Variants in NPHP4 observed in about 807,000 individuals in gnomAD.
NPHP4 encodes nephrocystin-4.
In NPHP4, 151 loss-of-function variants were observed where a neutral mutation model predicts 155.8. That is an observed-to-expected ratio of 0.97 (90% CI 0.85 to 1.11). The LOEUF (loss-of-function observed/expected upper bound fraction) is 1.11, where lower values mean the gene tolerates loss of function less well. Ranked by LOEUF, NPHP4 falls within the 50% of genes least tolerant of loss-of-function variation. The pLI, the probability that NPHP4 is intolerant of heterozygous loss-of-function variation, is 0.00. For synonymous variants in NPHP4, 845 were observed against 816.8 expected (o/e 1.03, Z -0.59); for missense variants, 1,956 against 1,925.7 (o/e 1.02, Z -0.29).
intron 1 of NPHP4, among the ~76,000 whole-genome samples, chr1:5,988,376 C>G (rs571373594): frequency 6.6e-6 from 1 of 152,368 alleles, no homozygotes; most frequent in African/African-American, 2.4e-5. Context: ...GAGCCTTCAG[C>G]TGTCCTCTCT....
chr1:5,956,131 C>T (rs993322195), intron 6 of NPHP4, among the ~76,000 whole-genome samples: 11 of 151,640 alleles, frequency 7.3e-5, no homozygotes, highest in Non-Finnish European at 1.3e-4. Flanking sequence ...CCCAGACCGA[C>T]TTCCTTTAGG....
chr1:5,939,576 T>C (rs1265439384), intron 9 of NPHP4, among the ~76,000 whole-genome samples: 3 of 152,048 alleles, frequency 2.0e-5, no homozygotes, highest in Non-Finnish European at 2.9e-5. Context: ...TCCACTTCCC[T>C]CCCTGCCCTC....
chr1:5,912,476 T>C (rs1044720834), intron 11 of NPHP4, among the ~76,000 whole-genome samples: 4 of 150,546 alleles, frequency 2.7e-5, no homozygotes, highest in Admixed American at 2.6e-4. Context: ...AGGCGGAGCT[T>C]TCGGTGAGCC....
intron 1 of NPHP4, among the ~76,000 whole-genome samples, chr1:5,991,783 G>A (rs568952710): frequency 8.8e-4 from 134 of 152,218 alleles, no homozygotes; most frequent in African/African-American, 2.9e-3. Flanking sequence ...CGGGGGGCGG[G>A]GAGGAGGGGC....
At chr1:5,956,061 G>T (rs769249407) in intron 6 of NPHP4, among the ~76,000 whole-genome samples, 1,673 of 50,512 alleles carry the variant, frequency 0.033, 41 homozygotes, top group Non-Finnish European at 0.057. Flanking sequence ...CAAAAAGCTG[G>T]GGGGGGGGGG....
intron 11 of NPHP4, among the ~76,000 whole-genome samples, chr1:5,923,780 A>G (rs983521495): frequency 2.0e-5 from 3 of 152,252 alleles, no homozygotes; most frequent in Non-Finnish European, 2.9e-5. Flanking sequence ...TCAAAGCTTA[A>G]GAATATTTAT....
At position 5,882,354 on chromosome 1, in the gene NPHP4, C is replaced by T. The variant is rs572066710; in HGVS notation, c.2486-2115G>A. The T allele has an allele frequency of 3.9e-5, 6 of 152,090 alleles. No homozygotes were observed. The highest frequency in any genetic ancestry group is 3.3e-4 in the Admixed American group (5 of 15,262). 9.4% of individuals were successfully genotyped at this position (152,090 alleles called of 1,614,324 possible). ...CTTACCCAGCCATCTCTCAGTGACG[C>T]GCTTACCCAGCCATCTCTCAGTGGT... On this transcript the variant is annotated intron_variant, in intron 18 of 29. Transcript: ENST00000378156. The surrounding 1 kb of genome is among the most constrained non-coding windows in gnomAD (Gnocchi z 5.1).
chr1:5,961,904 G>C lies in NPHP4; in HGVS notation c.563C>G (p.Thr188Arg). ...CTCCAGGGCCGGGTGTGGCTTCAGCGTGTACTGCAGGCTGCAGTTCTCAAT... is the reference window on the plus strand; with the variant it reads ...CTCCAGGGCCGGGTGTGGCTTCAGCCTGTACTGCAGGCTGCAGTTCTCAAT... ...TLIENCSLQY[T>R]LKPHPALEPA... Residue 188 changes from threonine (T) to arginine (R), a missense_variant, in exon 6 of 30, where the codon ACG becomes AGG. Transcript: ENST00000378156. The C allele has an allele frequency of 6.2e-7, 1 of 1,612,812 alleles. No homozygotes were observed. Among genetic ancestry groups the C allele is most frequent in the Non-Finnish European group, 8.5e-7 (1 of 1,178,882 alleles).
intron 11 of NPHP4, among the ~76,000 whole-genome samples, chr1:5,914,141 T>C (rs1645332621): frequency 6.6e-6 from 1 of 151,482 alleles, no homozygotes; most frequent in African/African-American, 2.4e-5. Context: ...GACTACCAGC[T>C]GGACATGGTA....
intron 16 of NPHP4, among the ~76,000 whole-genome samples, chr1:5,902,780 T>C (rs1264660362): frequency 2.0e-5 from 3 of 152,254 alleles, no homozygotes; most frequent in Non-Finnish European, 4.4e-5. Flanking sequence ...TATGCAATAT[T>C]ATTTTGTCAT....
At position 5,873,338 on chromosome 1, in the gene NPHP4, G is replaced by A. The variant is rs897916587; in HGVS notation, c.3232-3C>T. 3.1e-6 allele frequency: 5 copies of A among 1,613,332 alleles called. No homozygotes were observed. Among genetic ancestry groups the A allele is most frequent in the African/African-American group, 2.7e-5 (2 of 75,028 alleles). On this transcript the variant is annotated splice_polypyrimidine_tract_variant and splice_region_variant and intron_variant, in intron 22 of 29. Coordinates refer to ENST00000378156, the MANE Select transcript of NPHP4 (RefSeq NM_015102.5). ...TCGTTGCTCAACCCAGGAGAGGCCT[G>A]CAGGAACCGAACAGCACAAGCAGGT... is the stretch of plus-strand genomic sequence containing the variant.
At chr1:5,987,816 C>T (rs1286459689) in intron 1 of NPHP4, among the ~76,000 whole-genome samples, 1 of 152,164 alleles carries the variant, frequency 6.6e-6, no homozygotes, top group Non-Finnish European at 1.5e-5. Context: ...GAGAGACAAA[C>T]ATGGGTACTT....
chr1:5,949,079 G>C (rs1647377478), intron 7 of NPHP4, among the ~76,000 whole-genome samples: 1 of 151,932 alleles, frequency 6.6e-6, no homozygotes, highest in South Asian at 2.1e-4. Flanking sequence ...AGTTGGATTG[G>C]AACAAAAATA....
intron 19 of NPHP4, among the ~76,000 whole-genome samples, 152 bp downstream of exon 19, chr1:5,879,962 C>T (rs1192698433): frequency 6.0e-5 from 9 of 149,322 alleles, no homozygotes; most frequent in African/African-American, 2.0e-4. Flanking sequence ...AGCACAGTCC[C>T]GTCCTAGACG....
intron 9 of NPHP4, among the ~76,000 whole-genome samples, chr1:5,939,766 C>T (rs1201563430): frequency 1.3e-5 from 2 of 152,332 alleles, no homozygotes; most frequent in Non-Finnish European, 2.9e-5. Context: ...AAGGGGCTCA[C>T]GTGAGGCTGG....
chr1:5,887,428 G>C lies in NPHP4; in HGVS notation c.2343C>G (p.Ser781=). The C allele has an allele frequency of 6.2e-7, 1 of 1,613,348 alleles. No individual in the cohort carries two copies. Among genetic ancestry groups the C allele is most frequent in the Non-Finnish European group, 8.5e-7 (1 of 1,179,896 alleles). The change falls in exon 18 of 30, where the codon TCC becomes TCG. Residue 781 remains serine (S), a synonymous_variant. Transcript: ENST00000378156. ...LRQGRPAVQA[S]HELEVVATEY... ...CAGTTGCCACGACCTCAAGCTCGTG[G>C]GAGGCCTGCACAGCCGGCCGGCCTT...
At chr1:5,943,244 C>G (rs1646916882) in intron 9 of NPHP4, among the ~76,000 whole-genome samples, 1 of 152,146 alleles carries the variant, frequency 6.6e-6, no homozygotes, top group South Asian at 2.1e-4. Flanking sequence ...AAATTAACAG[C>G]AGATTAAAGT....
At chr1:5,924,565 G>A (rs1157445962) in intron 11 of NPHP4, among the ~76,000 whole-genome samples, 1 of 152,138 alleles carries the variant, frequency 6.6e-6, no homozygotes, top group Non-Finnish European at 1.5e-5. Flanking sequence ...CCGACAGCAG[G>A]ATCAGCCCAT....
At chr1:5,896,585 A>G (rs551326229) in intron 16 of NPHP4, among the ~76,000 whole-genome samples, 1 of 152,382 alleles carries the variant, frequency 6.6e-6, no homozygotes, top group Admixed American at 6.5e-5. Context: ...TGTAAGACAC[A>G]TACAAATAAT....
Sources: gnomAD v4.1 joint callset for allele counts (sites outside exome capture counted in the v4.1 genomes callset) on GRCh38, gnomAD v4.1.1 for gene constraint, Gnocchi (gnomAD v3.1) non-coding constraint, MANE v1.5 for transcripts, NCBI Gene and HGNC (gene_info 2026-07-23, HGNC 2026-07-21) for gene names.